Variants in MORC2 observed in about 807,000 individuals in gnomAD.
MORC2 encodes the protein ATPase MORC2.
Under a neutral mutation model 136.0 loss-of-function variants are expected in MORC2, and 30 were observed. The ratio of observed to expected loss-of-function variants is 0.22; its 90% CI spans 0.17 to 0.30. The LOEUF is 0.30. Ranked by LOEUF, MORC2 falls within the 10% of genes least tolerant of loss-of-function variation. The probability of loss-of-function intolerance (pLI) is 1.00; values close to 1 mark genes in which losing one functional copy is unlikely to be tolerated. For missense variants in MORC2, 922 were observed against 1,333.1 expected (o/e 0.69, Z 4.80); for synonymous variants, 439 against 487.0 (o/e 0.90, Z 1.30).
intron 1 of MORC2, among the ~76,000 whole-genome samples, chr22:30,965,309 C>T (rs1347534127): frequency 6.6e-6 from 1 of 152,160 alleles, no homozygotes; most frequent in African/African-American, 2.4e-5. Context: ...ACAAATCTTC[C>T]CTTCTCTGAA....
At chr22:30,929,510 AG>A (rs1860559845) in intron 24 of MORC2, among the ~76,000 whole-genome samples, 1 of 152,144 alleles carries the variant, frequency 6.6e-6, no homozygotes, top group African/African-American at 2.4e-5. Flanking sequence ...GCACTTTGGG[AG>A]GCCGAGGCAG....
chr22:30,963,734 C>G (rs1228190960), intron 1 of MORC2, among the ~76,000 whole-genome samples: 1 of 152,128 alleles, frequency 6.6e-6, no homozygotes, highest in East Asian at 1.9e-4. Context: ...CAGTTTGCAG[C>G]TTAGCATTTC....
chr22:30,958,644 G>T lies in MORC2; in HGVS notation c.119C>A (p.Ala40Glu). The change falls in exon 2 of 26, where the codon GCA becomes GAA. Residue 40 changes from alanine (A) to glutamate (E), a missense_variant. Ala to Glu is a moderately radical substitution (Grantham distance 107). Transcript: ENST00000397641. ...FGALAELVDNARDADATRIDI... is the reference protein window; with the variant it reads ...FGALAELVDNERDADATRIDI... ...TGTATGCCTGAAGACTACATACCTT[G>T]CATTATCAACCAGTTCAGCAAGGGC... 6.5e-7 allele frequency: 1 copy of T among 1,547,572 alleles called. No individual in the cohort carries two copies. The highest frequency in any genetic ancestry group is 8.7e-7 in the Non-Finnish European group (1 of 1,144,504).
rs1029111586 is a variant in MORC2, at chr22:30,968,205, G to T, written c.-316C>A. On this transcript the variant is annotated 5_prime_UTR_variant, in exon 1 of 26. Coordinates refer to ENST00000397641, the MANE Select transcript of MORC2 (RefSeq NM_001303256.3). ...AATTCAGACAATCTGAGTCTCGTGTGGATGGTCCTGAAGGAGATGGTCCTT... is the reference window on the plus strand; with the variant it reads ...AATTCAGACAATCTGAGTCTCGTGTTGATGGTCCTGAAGGAGATGGTCCTT... 3.5e-6 allele frequency: 1 copy of T among 285,914 alleles called. No individual in the cohort carries two copies. Among genetic ancestry groups the T allele is most frequent in the East Asian group, 9.5e-5 (1 of 10,564 alleles). 17.7% of individuals were successfully genotyped at this position (285,914 alleles called of 1,614,324 possible).
chr22:30,967,278 A>C, intron 1 of MORC2: 1 of 986,646 alleles, frequency 1.0e-6, no homozygotes, highest in Non-Finnish European at 1.2e-6. Flanking sequence ...AGATATAAAC[A>C]AGTTGCCGTT....
At chr22:30,956,935 A>AT (rs566823429) in intron 2 of MORC2, 138 bp from the exon 3 acceptor site, 55 of 645,492 alleles carry the variant, frequency 8.5e-5, no homozygotes, top group Middle Eastern at 4.2e-4. Context: ...GACATTTAGA[A>AT]TTTTTTTTAC....
chr22:30,958,779 G>T, intron 1 of MORC2, 85 bp from the exon 2 acceptor site: 1 of 1,289,104 alleles, frequency 7.8e-7, no homozygotes, highest in South Asian at 1.3e-5. Context: ...AAATATTTAA[G>T]TTTTTTGAAA....
intron 6 of MORC2, among the ~76,000 whole-genome samples, chr22:30,945,736 CT>C (rs756310231): frequency 1.3e-5 from 2 of 152,164 alleles, no homozygotes; most frequent in Non-Finnish European, 2.9e-5. Context: ...TTCATTAGTC[CT>C]TCCTTCCAGC....
chr22:30,967,223 A>G (rs2041141314), intron 1 of MORC2: 1 of 985,958 alleles, frequency 1.0e-6, no homozygotes, highest in African/African-American at 1.7e-5. Flanking sequence ...AACCATGAAC[A>G]CTGTATGTTT....
chr22:30,946,257 A>G, intron 6 of MORC2, 84 bp downstream of exon 6: 1 of 1,004,480 alleles, frequency 1.0e-6, no homozygotes, highest in Non-Finnish European at 1.5e-6. Context: ...CAAAGAGTCT[A>G]GCATTGCAAA....
In MORC2 at chr22:30,926,103, C is replaced by G. The variant is rs1270512451; in HGVS notation, c.*700G>C. ...AGATTTACCACAGATCTGTCTCCCC[C>G]TCAACCTGGACTCAAGTTACTGTGG... is the stretch of plus-strand genomic sequence containing the variant. On this transcript the variant is annotated 3_prime_UTR_variant, in exon 26 of 26. Coordinates refer to ENST00000397641, the MANE Select transcript of MORC2 (RefSeq NM_001303256.3). The G allele has an allele frequency of 6.6e-6, 1 of 152,284 alleles. No homozygotes were observed. The highest frequency in any genetic ancestry group is 2.4e-5 in the African/African-American group (1 of 41,456). The allele number at this position is 152,284 out of a possible 1,614,324, so 9.4% of individuals were successfully genotyped here. A position where few individuals can be genotyped will look rare whatever the true frequency, so the allele number is the denominator to read the frequency against.
At position 30,968,756 on chromosome 22, in the gene MORC2, C is replaced by T. The variant is rs941630403; in HGVS notation, c.-867G>A. Reference sequence around the variant, plus strand: ...GGCGAGCGCACCACCTGACCGGGCACTACCCGGATCTCACAACTGCCTTTG... The same window carrying T: ...GGCGAGCGCACCACCTGACCGGGCATTACCCGGATCTCACAACTGCCTTTG... On this transcript the variant is annotated 5_prime_UTR_variant, in exon 1 of 26. It adds an upstream start codon to the 5' untranslated region. Transcript: ENST00000397641. 6.6e-6 allele frequency among the ~76,000 whole-genome samples: 1 copy of T among 152,090 alleles called. No homozygotes were observed. Among genetic ancestry groups the T allele is most frequent in the Non-Finnish European group, 1.5e-5 (1 of 68,002 alleles).
Position 30,941,740 on chromosome 22 carries a change from A to G in MORC2, c.698+151T>C. 2 of 1,102,844 alleles carry G rather than the reference A, an allele frequency of 1.8e-6. No individual in the cohort carries two copies. Among genetic ancestry groups the G allele is most frequent in the Non-Finnish European group, 2.6e-6 (2 of 766,952 alleles). 68.3% of individuals were successfully genotyped at this position (1,102,844 alleles called of 1,614,324 possible). ...CCCGCCCCTCTCACGTCCTCAGCAC[A>G]GGCACCCCACAGGCAACTGAGCTGG... On this transcript the variant is annotated intron_variant, in intron 8 of 25. Transcript: ENST00000397641. This position sits in a 1 kb window ranked among gnomAD's most constrained non-coding sequence, Gnocchi z 4.6.
At chr22:30,961,459 C>T (rs1186878123) in intron 1 of MORC2, among the ~76,000 whole-genome samples, 1 of 152,126 alleles carries the variant, frequency 6.6e-6, no homozygotes, top group Non-Finnish European at 1.5e-5. Flanking sequence ...GACTTAGAAA[C>T]TTACAAAGTG....
In MORC2 at chr22:30,935,361, T is replaced by TGAG. The variant is rs1431684765; in HGVS notation, c.1738-40_1738-39insCTC. 6 of 1,594,886 alleles carry TGAG rather than the reference T, an allele frequency of 3.8e-6. No individual in the cohort carries two copies. The African/African-American group carries it at 8.0e-5, about 21-fold the overall frequency. ...ATCATGATGAAGTTGTTTGCATATT[T>TGAG]TAGTATACTTGAGCAAACTTTTTGG... On this transcript the variant is annotated intron_variant, in intron 17 of 25. Transcript: ENST00000397641.
intron 12 of MORC2, among the ~76,000 whole-genome samples, chr22:30,938,956 C>T (rs946843297): frequency 2.0e-5 from 3 of 152,174 alleles, no homozygotes; most frequent in Non-Finnish European, 4.4e-5. Context: ...TCAACAAAAA[C>T]TTAGAGCTGA....
intron 25 of MORC2, among the ~76,000 whole-genome samples, chr22:30,927,482 T>C (rs1297852332): frequency 6.6e-6 from 1 of 152,176 alleles, no homozygotes; most frequent in Non-Finnish European, 1.5e-5. Context: ...TGTCTCCAAA[T>C]GCCTAAGCCC....
In MORC2 at chr22:30,937,367, G is replaced by A. The variant is rs2040669416; in HGVS notation, c.1498+216C>T. ...CCTGGCTGCAGCTGGAGAGGCCTGG[G>A]AGGACAGATGACCTTCTTTCTCACT... On this transcript the variant is annotated intron_variant, in intron 15 of 25. Transcript: ENST00000397641. This position sits in a 1 kb window ranked among gnomAD's most constrained non-coding sequence, Gnocchi z 4.7. Among the ~76,000 whole-genome samples, 1 of 152,148 alleles carries A rather than the reference G, an allele frequency of 6.6e-6. No homozygotes were observed. Among genetic ancestry groups the A allele is most frequent in the Non-Finnish European group, 1.5e-5 (1 of 68,018 alleles).
At chr22:30,939,733 G>C in intron 11 of MORC2, 27 bp from the exon 12 acceptor site, 1 of 1,606,646 alleles carries the variant, frequency 6.2e-7, no homozygotes, top group Non-Finnish European at 8.5e-7. Context: ...CAGGTGAGGG[G>C]AGGTGGCACT....
Sources: gnomAD v4.1 joint callset for allele counts (sites outside exome capture counted in the v4.1 genomes callset) on GRCh38, gnomAD v4.1.1 for gene constraint, Gnocchi (gnomAD v3.1) non-coding constraint, MANE v1.5 for transcripts, NCBI Gene and HGNC (gene_info 2026-07-23, HGNC 2026-07-21) for gene names.